ZNF143: variants seen among roughly 807,000 people sequenced by gnomAD.
The protein encoded by ZNF143 is zinc finger protein 143.
A neutral mutation model predicts 74.1 loss-of-function variants in ZNF143; 49 were observed. That is an observed-to-expected ratio of 0.66 (90% confidence interval 0.53 to 0.84). The LOEUF is 0.84. Ranked by LOEUF, ZNF143 falls within the 40% of genes least tolerant of loss-of-function variation. ZNF143 has a pLI of 0.00. For missense variants in ZNF143, 637 were observed against 793.4 expected, an observed-to-expected ratio of 0.80 and a Z score of 2.37; for synonymous variants, 304 against 282.8, an observed-to-expected ratio of 1.07 and a Z score of -0.75.
chr11:9,525,275 T>G lies in ZNF143; in HGVS notation c.1722T>G (p.His574Gln). 6.2e-7 allele frequency: 1 copy of G among 1,614,242 alleles called. No individual in the cohort carries two copies. Among genetic ancestry groups the G allele is most frequent in the South Asian group, 1.1e-5 (1 of 91,090 alleles). ...TAGCTCAAGACTTGGCAGCATTCCA[T>G]ACTGCCTCATCAGAAATGGGGCACC... ...AIVAQDLAAF[H>Q]TASSEMGHQQ... Residue 574 changes from histidine (H) to glutamine (Q), a missense_variant, in exon 15 of 16, where the codon CAT becomes CAG. Physicochemically the swap from His to Gln is conservative, Grantham distance 24 (BLOSUM62 0). This residue lies in a region of ZNF143 where 344 missense variants were observed against 485.6 expected (regional missense o/e 0.71). Transcript: ENST00000396602.
At chr11:9,463,785 T>C (rs1856014264) in intron 1 of ZNF143, 1 of 152,222 alleles carries the variant, frequency 6.6e-6, no homozygotes, top group African/African-American at 2.4e-5. Context: ...GTGGCATGGC[T>C]GCATTGAACT....
rs539885452 is a variant in ZNF143 at position 9,508,557 on chromosome 11, A to G, written c.1148-62A>G. Reference sequence around the variant, plus strand: ...GAGGTATTTTACCCCCTGGGGGGGAAGTATGGAATGATTTTGCCTACATAT... The same window carrying G: ...GAGGTATTTTACCCCCTGGGGGGGAGGTATGGAATGATTTTGCCTACATAT... On this transcript the variant is annotated intron_variant, in intron 11 of 15. Coordinates refer to ENST00000396602, the MANE Select transcript of ZNF143 (RefSeq NM_003442.6). 27 of 1,490,902 alleles carry G rather than the reference A, an allele frequency of 1.8e-5. No individual in the cohort carries two copies. The East Asian group carries it at 4.1e-4, about 23-fold the overall frequency. 92.4% of individuals were successfully genotyped at this position (1,490,902 alleles called of 1,614,324 possible).
At chr11:9,468,862 G>A (rs1330201522) in intron 1 of ZNF143, among the ~76,000 whole-genome samples, 4 of 151,906 alleles carry the variant, frequency 2.6e-5, no homozygotes, top group East Asian at 1.9e-4. Flanking sequence ...TTCTGGGCAC[G>A]GTGGCTCACA....
chr11:9,474,356 C>T (rs1250662048), intron 4 of ZNF143, among the ~76,000 whole-genome samples, 194 bp from the exon 5 acceptor site: 1 of 152,110 alleles, frequency 6.6e-6, no homozygotes, highest in Admixed American at 6.6e-5. Flanking sequence ...TTTCTAAAAC[C>T]AATATTCTAA....
intron 12 of ZNF143, among the ~76,000 whole-genome samples, chr11:9,510,268 GCGCC>G (rs946885772): frequency 5.9e-5 from 9 of 151,892 alleles, no homozygotes; most frequent in Admixed American, 4.6e-4. Flanking sequence ...GGGACTACAG[GCGCC>G]CGCCACCATG....
At chr11:9,466,804 C>T (rs1434611707) in intron 1 of ZNF143, among the ~76,000 whole-genome samples, 2 of 151,752 alleles carry the variant, frequency 1.3e-5, no homozygotes, top group Admixed American at 6.6e-5. Context: ...TAGACTGAAA[C>T]GATGAGAATA....
chr11:9,511,012 T>G (rs1848521444), intron 12 of ZNF143, among the ~76,000 whole-genome samples: 1 of 152,116 alleles, frequency 6.6e-6, no homozygotes, highest in African/African-American at 2.4e-5. Flanking sequence ...AAGACCAAGT[T>G]TAGTATCAGT....
At chr11:9,515,664 AAAAAG>A (rs1281468785) in intron 13 of ZNF143, among the ~76,000 whole-genome samples, 8 of 150,296 alleles carry the variant, frequency 5.3e-5, no homozygotes, top group African/African-American at 1.7e-4. Flanking sequence ...AAAAAAAAAA[AAAAAG>A]AAAAAGAAAA....
Position 9,472,716 on chromosome 11 carries a change from A to G in ZNF143, c.152A>G (p.Gln51Arg). ...GAAAATATGGAAGGCGTAAGCTTGC[A>G]AGCAGTAACACTTGCAGATGGTTCT... The part of the protein sequence containing the change: ...NLENMEGVSL[Q>R]AVTLADGSTA... The change falls in exon 3 of 16, where the codon CAA becomes CGA. Residue 51 changes from glutamine to arginine, a missense_variant. Transcript: ENST00000396602. 1 of 1,605,324 alleles carries G rather than the reference A, an allele frequency of 6.2e-7. No homozygotes were observed. Among genetic ancestry groups the G allele is most frequent in the Non-Finnish European group, 8.5e-7 (1 of 1,177,400 alleles).
chr11:9,515,786 G>A (rs1354623229), intron 13 of ZNF143, among the ~76,000 whole-genome samples: 2 of 152,102 alleles, frequency 1.3e-5, no homozygotes, highest in Non-Finnish European at 2.9e-5. Context: ...TCTGAGACCA[G>A]CCTGGGCAAC....
In ZNF143 at chr11:9,527,571, G is replaced by A. The variant is rs747044065; in HGVS notation, c.1875G>A (p.Ala625=). Residue 625 remains alanine, a synonymous_variant, in exon 16 of 16, where the codon GCG becomes GCA. Coordinates refer to ENST00000396602, the MANE Select transcript of ZNF143 (RefSeq NM_003442.6). The part of the protein sequence containing the change: ...QPSLEEAIRI[A]SRIQQGETPG... Reference sequence around the variant, plus strand: ...CTCTGGAAGAAGCCATCAGAATAGCGTCTAGAATCCAACAAGGAGAAACGC... The same window carrying A: ...CTCTGGAAGAAGCCATCAGAATAGCATCTAGAATCCAACAAGGAGAAACGC... 1.7e-5 allele frequency: 27 copies of A among 1,611,308 alleles called. No individual in the cohort carries two copies. The African/African-American group carries it at 1.7e-4, about 10-fold the overall frequency.
intron 14 of ZNF143, among the ~76,000 whole-genome samples, chr11:9,522,929 T>C (rs1393865559): frequency 1.3e-5 from 2 of 151,478 alleles, no homozygotes; most frequent in Non-Finnish European, 2.9e-5. Context: ...GCCCAGCTAA[T>C]TTTTTGTATT....
chr11:9,495,582 T>C (rs1847931352), intron 8 of ZNF143, among the ~76,000 whole-genome samples: 1 of 152,264 alleles, frequency 6.6e-6, no homozygotes, highest in South Asian at 2.1e-4. Flanking sequence ...TTAGCATATC[T>C]GGAGTAGTGG....
chr11:9,494,495 G>T lies in ZNF143; in HGVS notation c.646-151G>T, dbSNP rs1244436905. 1.2e-5 allele frequency: 8 copies of T among 654,808 alleles called. No homozygotes were observed. The African/African-American group carries it at 1.3e-4, about 11-fold the overall frequency. 40.6% of individuals were successfully genotyped at this position (654,808 alleles called of 1,614,324 possible). A position where few individuals can be genotyped will look rare whatever the true frequency, so the allele number is the denominator to read the frequency against. On this transcript the variant is annotated intron_variant, in intron 7 of 15. Coordinates refer to ENST00000396602, the MANE Select transcript of ZNF143 (RefSeq NM_003442.6). Reference sequence around the variant, plus strand: ...TAACTTTGTAATATTTTGTTGTATAGAGACAGGGTTTTGTCATGTTGCCCA... The same window carrying T: ...TAACTTTGTAATATTTTGTTGTATATAGACAGGGTTTTGTCATGTTGCCCA...
intron 12 of ZNF143, among the ~76,000 whole-genome samples, chr11:9,509,912 A>G (rs1848481170): frequency 6.6e-6 from 1 of 152,230 alleles, no homozygotes; most frequent in Non-Finnish European, 1.5e-5. Flanking sequence ...ACAGCATGTG[A>G]CTACAGTTAA....
intron 11 of ZNF143, among the ~76,000 whole-genome samples, chr11:9,501,718 G>A (rs932687164): frequency 9.9e-5 from 15 of 152,064 alleles, no homozygotes; most frequent in African/African-American, 3.6e-4. Flanking sequence ...CAGGGGAAAT[G>A]TCATGGGGAA....
intron 13 of ZNF143, among the ~76,000 whole-genome samples, chr11:9,515,189 A>G (rs1455278687): frequency 2.0e-5 from 3 of 152,162 alleles, no homozygotes; most frequent in South Asian, 2.1e-4. Flanking sequence ...AGAGAGCATA[A>G]TAAGATTTTG....
rs560643090 is a variant in ZNF143, at chr11:9,486,989, G to A, written c.645+7443G>A. Among the ~76,000 whole-genome samples the A allele has an allele frequency of 4.3e-3, 538 of 124,500 alleles. 9 individuals are homozygous for A. The highest frequency in any genetic ancestry group is 5.7e-3 in the Non-Finnish European group (346 of 60,438). The allele number at this position is 124,500 out of a possible 152,430, so 81.7% of individuals were successfully genotyped here. A position where few individuals can be genotyped will look rare whatever the true frequency, so the allele number is the denominator to read the frequency against. ...GGCCCTTTTTTTTTTTTTTTGAGACGGAGTTTCACTCTTGTCACCCAGGCT... is the reference window on the plus strand; with the variant it reads ...GGCCCTTTTTTTTTTTTTTTGAGACAGAGTTTCACTCTTGTCACCCAGGCT... On this transcript the variant is annotated intron_variant, in intron 7 of 15. Coordinates refer to ENST00000396602, the MANE Select transcript of ZNF143 (RefSeq NM_003442.6).
intron 14 of ZNF143, 101 bp downstream of exon 14, chr11:9,516,463 G>A: frequency 1.7e-6 from 2 of 1,150,684 alleles, no homozygotes; most frequent in Non-Finnish European, 2.4e-6. Flanking sequence ...ACAAACTTGG[G>A]AGTGACTAAT....
Sources: gnomAD v4.1 joint callset for allele counts (sites outside exome capture counted in the v4.1 genomes callset) on GRCh38, gnomAD v4.1.1 for gene constraint, gnomAD v4.1.1 regional missense constraint, MANE v1.5 for transcripts, NCBI Gene and HGNC (gene_info 2026-07-23, HGNC 2026-07-21) for gene names.